KRT4: variants seen among roughly 807,000 people sequenced by gnomAD.
KRT4 encodes the protein keratin, type II cytoskeletal 4.
In KRT4, 47 loss-of-function variants were observed where a neutral mutation model predicts 50.6. The ratio of observed to expected loss-of-function variants is 0.93; its 90% CI spans 0.73 to 1.18. The LOEUF is 1.18. KRT4 is among the 50% of genes most tolerant of loss of function. The pLI is 0.00. For synonymous variants in KRT4, 254 were observed against 251.2 expected, an observed-to-expected ratio of 1.01 and a Z score of -0.10; for missense variants, 651 against 645.7, an observed-to-expected ratio of 1.01 and a Z score of -0.09.
intron 2 of KRT4, chr12:52,811,463 C>T (rs1939908639): frequency 5.0e-6 from 2 of 400,120 alleles, no homozygotes; most frequent in Non-Finnish European, 4.7e-6. Context: ...CCATCTGTCT[C>T]TACAGTCTGT....
intron 4 of KRT4, 125 bp from the exon 5 acceptor site, chr12:52,808,975 G>T: frequency 1.9e-6 from 2 of 1,056,188 alleles, no homozygotes; most frequent in African/African-American, 1.6e-5. Context: ...AAAGTTCTAA[G>T]GAGAAATCAA....
chr12:52,810,209 A>G (rs2121250862), intron 3 of KRT4, among the ~76,000 whole-genome samples: 1 of 152,344 alleles, frequency 6.6e-6, no homozygotes, highest in Non-Finnish European at 1.5e-5. Flanking sequence ...CCACAACACA[A>G]ACTATCCACG....
rs780655796 is a variant in KRT4 at position 52,811,978 on chromosome 12, C to T, written c.463-1G>A. The stretch of plus-strand genomic sequence containing the variant: ...TATTCTGTTGCTCTAAGAACTGCAC[C>T]TGTGTTGATAAAGGCACCAGCCAAG... On this transcript the variant is annotated splice_acceptor_variant, in intron 1 of 8. Transcript: ENST00000551956. LOFTEE classifies it high-confidence loss of function. 1.2e-6 allele frequency: 2 copies of T among 1,611,988 alleles called. No homozygotes were observed. Among genetic ancestry groups the T allele is most frequent in the Non-Finnish European group, 1.7e-6 (2 of 1,178,960 alleles).
intron 4 of KRT4, 53 bp downstream of exon 4, chr12:52,809,330 T>C: frequency 7.4e-7 from 1 of 1,359,580 alleles, no homozygotes; most frequent in Non-Finnish European, 1.1e-6. Flanking sequence ...ACCAGCAGCG[T>C]CACAGATGGG....
At position 52,807,999 on chromosome 12, in the gene KRT4, A is replaced by G. The variant is rs1939832195; in HGVS notation, c.1126-135T>C. ...ATCTGTTCTGCCCACTTTCCCTGAG[A>G]CTTATGCATCTCATTCACTCCAGCC... On this transcript the variant is annotated intron_variant, in intron 6 of 8. Coordinates refer to ENST00000551956, the MANE Select transcript of KRT4 (RefSeq NM_002272.4). The G allele has an allele frequency of 7.1e-6, 6 of 844,010 alleles. No homozygotes were observed. The South Asian group carries it at 8.6e-5, about 12-fold the overall frequency. The allele number at this position is 844,010 out of a possible 1,614,324, so 52.3% of individuals were successfully genotyped here.
chr12:52,811,533 T>C (rs1412963185), intron 2 of KRT4: 7 of 558,480 alleles, frequency 1.3e-5, no homozygotes, highest in Non-Finnish European at 1.9e-5. Flanking sequence ...TGTTCGTATA[T>C]GGCAGACCCA....
chr12:52,810,538 G>T (rs1939891441), intron 3 of KRT4, among the ~76,000 whole-genome samples: 1 of 151,796 alleles, frequency 6.6e-6, no homozygotes, highest in South Asian at 2.1e-4. Flanking sequence ...AAAGAGTGAA[G>T]CTCCATCTCA....
Position 52,808,845 on chromosome 12 carries a change from C to G in KRT4, c.840G>C (p.Leu280=), listed in dbSNP as rs774750948. The change falls in exon 5 of 9, where the codon CTG becomes CTC. Residue 280 remains leucine, a synonymous_variant. Coordinates refer to ENST00000551956, the MANE Select transcript of KRT4 (RefSeq NM_002272.4). ...NFLKVLYDAE[L]SQMQTHVSDT... is the part of the protein sequence containing the mutation. ...CGCTGACATGGGTCTGCATCTGGGA[C>G]AGCTCCTGCAGGGCAAATGTCTCAC... is the stretch of plus-strand genomic sequence containing the variant. The G allele has an allele frequency of 1.9e-6, 3 of 1,614,112 alleles. 1 individual carries two copies. In the South Asian group the frequency reaches 3.3e-5, roughly 18 times the overall value.
chr12:52,812,112 C>T (rs1939924249), intron 1 of KRT4, 135 bp from the exon 2 acceptor site: 1 of 718,504 alleles, frequency 1.4e-6, no homozygotes, highest in Middle Eastern at 3.6e-4. Flanking sequence ...CACTATGTTG[C>T]ATCTCCAGGG....
At position 52,807,744 on chromosome 12, in the gene KRT4, C is replaced by T. The variant is rs1293502565; in HGVS notation, c.1246G>A (p.Ala416Thr). 1 of 1,614,228 alleles carries T rather than the reference C, an allele frequency of 6.2e-7. No individual in the cohort carries two copies. Residue 416 changes from alanine to threonine, a missense_variant, in exon 7 of 9, where the codon GCA becomes ACA. By Grantham distance (58) the Ala-to-Thr change is moderately conservative. Transcript: ENST00000551956. ...AALQQAKEEL[A>T]RMLREYQELM... ...TCCTGGTACTCACGCAGCATTCGTG[C>T]CAGCTCCTCCTTGGCCTGCTGCAGG...
At chr12:52,811,710 G>T in intron 2 of KRT4, 53 bp downstream of exon 2, 1 of 1,447,240 alleles carries the variant, frequency 6.9e-7, no homozygotes, top group Non-Finnish European at 9.7e-7. Flanking sequence ...CGGGAGCCTG[G>T]GTGTGGCTGG....
rs1258182448 is a variant in KRT4 at position 52,811,787 on chromosome 12, T to C, written c.653A>G (p.Asp218Gly). 1 of 1,613,610 alleles carries C rather than the reference T, an allele frequency of 6.2e-7. No homozygotes were observed. ...CTTAGTCTTGAAGTCCTCCACGCTG[T>C]CCTGCATGGTCTTCAGCTCAGACTG... is the stretch of plus-strand genomic sequence containing the variant. ...RLQSELKTMQ[D>G]SVEDFKTKYE... Residue 218 changes from aspartate to glycine, a missense_variant, in exon 2 of 9, where the codon GAC becomes GGC. Asp to Gly is a moderately conservative substitution (Grantham distance 94). Coordinates refer to ENST00000551956, the MANE Select transcript of KRT4 (RefSeq NM_002272.4).
intron 2 of KRT4, 55 bp downstream of exon 2, chr12:52,811,708 T>G: frequency 7.0e-7 from 1 of 1,437,580 alleles, no homozygotes; most frequent in Non-Finnish European, 9.8e-7. Flanking sequence ...CCCGGGAGCC[T>G]GGGTGTGGCT....
chr12:52,810,264 T>C (rs1025682965), intron 3 of KRT4, among the ~76,000 whole-genome samples: 7 of 152,138 alleles, frequency 4.6e-5, no homozygotes, highest in African/African-American at 1.7e-4. Flanking sequence ...AAAATAAAAA[T>C]CAGCTGGGTG....
In KRT4 at chr12:52,810,769, A is replaced by G. The variant is rs1177537198; in HGVS notation, c.725T>C (p.Val242Ala). The change falls in exon 3 of 9, where the codon GTG (valine) becomes GCG (alanine). Residue 242 changes from valine to alanine, a missense_variant. Coordinates refer to ENST00000551956, the MANE Select transcript of KRT4 (RefSeq NM_002272.4). The stretch of plus-strand genomic sequence containing the variant: ...TTCGTCTCTTACCTTCTTTAGGACC[A>G]CAAAGTCATTCTCGGCTGCTGTGCG... Reference protein sequence around the residue: ...NKRTAAENDFVVLKKDVDAAY... With the variant: ...NKRTAAENDFAVLKKDVDAAY... The G allele has an allele frequency of 3.1e-6, 5 of 1,614,016 alleles. No homozygotes were observed. The highest frequency in any genetic ancestry group is 2.7e-5 in the African/African-American group (2 of 74,934).
At position 52,808,776 on chromosome 12, in the gene KRT4, G is replaced by A. The variant is rs1592309723; in HGVS notation, c.909C>T (p.Asp303=). ...VLSMDNNRNL[D]LDSIIAEVRA... Reference sequence around the variant, plus strand: ...GGACCTCGGCAATAATGCTGTCCAGGTCCAGGTTGCGGTTGTTGTCCATGG... The same window carrying A: ...GGACCTCGGCAATAATGCTGTCCAGATCCAGGTTGCGGTTGTTGTCCATGG... Residue 303 remains aspartate, a synonymous_variant, in exon 5 of 9, where the codon GAC becomes GAT. Coordinates refer to ENST00000551956, the MANE Select transcript of KRT4 (RefSeq NM_002272.4). 6.2e-7 allele frequency: 1 copy of A among 1,614,174 alleles called. No homozygotes were observed. The highest frequency in any genetic ancestry group is 8.5e-7 in the Non-Finnish European group (1 of 1,180,022).
intron 2 of KRT4, 166 bp downstream of exon 2, chr12:52,811,597 C>A (rs1473926670): frequency 6.2e-6 from 4 of 648,586 alleles, no homozygotes; most frequent in South Asian, 1.8e-5. Context: ...GGTTACCAGA[C>A]CTCACCCTGA....
rs1269813183 is a variant in KRT4 at position 52,808,287 on chromosome 12, C to T, written c.1125+7G>A. ...TTGTGCTCCATCTGGAAGGGAGTGA[C>T]ACCCACCTGCTTCTTGATGTTCTCG... is the stretch of plus-strand genomic sequence containing the variant. On this transcript the variant is annotated splice_region_variant and intron_variant, in intron 6 of 8. Transcript: ENST00000551956. 1 of 1,614,096 alleles carries T rather than the reference C, an allele frequency of 6.2e-7. No individual in the cohort carries two copies. The highest frequency in any genetic ancestry group is 2.2e-5 in the East Asian group (1 of 44,854).
At chr12:52,808,452 T>G (rs761199656) in intron 5 of KRT4, 33 bp from the exon 6 acceptor site, 2 of 1,612,240 alleles carry the variant, frequency 1.2e-6, no homozygotes, top group Non-Finnish European at 1.7e-6. Flanking sequence ...GAACCAGGTG[T>G]TAGGGGCATT....
Sources: gnomAD v4.1 joint callset for allele counts (sites outside exome capture counted in the v4.1 genomes callset) on GRCh38, gnomAD v4.1.1 for gene constraint, MANE v1.5 for transcripts, NCBI Gene and HGNC (gene_info 2026-07-23, HGNC 2026-07-21) for gene names.